Variants in ZFR observed in about 807,000 individuals in gnomAD.
ZFR encodes zinc finger RNA binding protein.
ZFR carries 19 observed loss-of-function variants against 130.7 expected under a neutral mutation model. The observed-to-expected ratio is 0.15, with a 90% CI of 0.10 to 0.21. ZFR has a LOEUF of 0.21. Ranked by LOEUF, ZFR falls within the 10% of genes least tolerant of loss-of-function variation. ZFR has a pLI of 1.00. For missense variants in ZFR, 872 were observed against 1,321.5 expected, an observed-to-expected ratio of 0.66 and a Z score of 5.27; for synonymous variants, 466 against 456.9, an observed-to-expected ratio of 1.02 and a Z score of -0.25.
intron 17 of ZFR, among the ~76,000 whole-genome samples, chr5:32,374,535 A>ATAAC (rs1308692696): frequency 6.6e-6 from 1 of 151,942 alleles, no homozygotes. Flanking sequence ...AAATAAATAA[A>ATAAC]TAAAATTTGA....
intron 6 of ZFR, 91 bp downstream of exon 6, chr5:32,406,683 T>C (rs1581701087): frequency 2.8e-5 from 41 of 1,447,290 alleles, no homozygotes; most frequent in Non-Finnish European, 3.6e-5. Context: ...CAGGAAAAAA[T>C]GTAAACCTCT....
In ZFR at chr5:32,355,761, T is replaced by A; in HGVS notation, c.3224A>T (p.Ter1075LeuextTer9). 2 of 1,578,410 alleles carry A rather than the reference T, an allele frequency of 1.3e-6. No homozygotes were observed. Among genetic ancestry groups the A allele is most frequent in the Non-Finnish European group, 1.7e-6 (2 of 1,167,094 alleles). ...KKDKKDYDNF[*>L] is the part of the protein sequence containing the mutation. ...ACACTGAAGATTTACAGACACTTTT[T>A]AAAAGTTATCATAATCTTTTTTGTC... Residue 1075 changes from the stop codon to leucine, a stop_lost, in exon 20 of 20, where the codon TAA becomes TTA. Coordinates refer to ENST00000265069, the MANE Select transcript of ZFR (RefSeq NM_016107.5).
chr5:32,429,817 C>T (rs1754162496), intron 2 of ZFR, among the ~76,000 whole-genome samples: 1 of 152,000 alleles, frequency 6.6e-6, no homozygotes, highest in Non-Finnish European at 1.5e-5. Flanking sequence ...GCTTGTAATC[C>T]TGGCATTTTG....
intron 3 of ZFR, 54 bp downstream of exon 3, chr5:32,419,767 C>A: frequency 6.5e-7 from 1 of 1,531,816 alleles, no homozygotes; most frequent in Non-Finnish European, 8.8e-7. Context: ...ACATTATACA[C>A]TGAAGACAAA....
chr5:32,382,654 G>C (rs898929519), intron 15 of ZFR, among the ~76,000 whole-genome samples: 2 of 151,962 alleles, frequency 1.3e-5, no homozygotes, highest in Admixed American at 1.3e-4. Flanking sequence ...TTGTCGCCCA[G>C]GCCAGAGTGC....
chr5:32,417,678 G>T lies in ZFR; in HGVS notation c.535C>A (p.Pro179Thr). 2 of 1,613,754 alleles carry T rather than the reference G, an allele frequency of 1.2e-6. No individual in the cohort carries two copies. The highest frequency in any genetic ancestry group is 1.7e-6 in the Non-Finnish European group (2 of 1,179,870). The stretch of plus-strand genomic sequence containing the variant: ...TGATAGTAAGTTTCAGCAACAGAAG[G>T]CTGAGGTTGGGCAGCGGCAGCTACA... ...AAVAAAAQPQPSVAETYYQTA... is the reference protein window; with the variant it reads ...AAVAAAAQPQTSVAETYYQTA... Residue 179 changes from proline to threonine, a missense_variant, in exon 4 of 20, where the codon CCT (proline) becomes ACT (threonine). This residue lies in a region of ZFR where 240 missense variants were observed against 441.2 expected (regional missense o/e 0.54). Coordinates refer to ENST00000265069, the MANE Select transcript of ZFR (RefSeq NM_016107.5).
chr5:32,428,702 T>C (rs1024091980), intron 2 of ZFR, among the ~76,000 whole-genome samples: 1 of 152,326 alleles, frequency 6.6e-6, no homozygotes, highest in Middle Eastern at 3.4e-3. Flanking sequence ...TTGAGTAGTA[T>C]AAAAGCAGAG....
At chr5:32,436,062 A>G (rs1581718813) in intron 2 of ZFR, among the ~76,000 whole-genome samples, 1 of 149,934 alleles carries the variant, frequency 6.7e-6, no homozygotes, top group South Asian at 2.1e-4. Context: ...ATGACCCTAA[A>G]TTCTCCTGGC....
At chr5:32,377,405 C>G (rs113515032) in intron 17 of ZFR, among the ~76,000 whole-genome samples, 16 of 151,176 alleles carry the variant, frequency 1.1e-4, no homozygotes, top group African/African-American at 3.6e-4. Flanking sequence ...CAGTCTTGAT[C>G]TTCTGACCTT....
intron 17 of ZFR, among the ~76,000 whole-genome samples, chr5:32,366,784 T>TTATTAAGAATTATTATAAC: frequency 6.6e-6 from 1 of 152,138 alleles, no homozygotes; most frequent in East Asian, 1.9e-4. Flanking sequence ...AGAGAATAAC[T>TTATTAAGAATTATTATAAC]TATTAAGAAT....
rs1471671822 is a variant in ZFR at position 32,415,147 on chromosome 5, A to G, written c.606T>C (p.Thr202=). The part of the protein sequence containing the change: ...AGYSQGATQY[T]QAQQTRQVTA... ...TCACTTGTCGAGTTTGCTGGGCTTG[A>G]GTATACTGAGTTGCACCTTGGCTGT... Residue 202 remains threonine (T), a synonymous_variant, in exon 5 of 20, where the codon ACT becomes ACC. Coordinates refer to ENST00000265069, the MANE Select transcript of ZFR (RefSeq NM_016107.5). The G allele has an allele frequency of 1.2e-6, 2 of 1,614,070 alleles. No homozygotes were observed. Among genetic ancestry groups the G allele is most frequent in the East Asian group, 2.2e-5 (1 of 44,876 alleles).
chr5:32,375,388 G>GT (rs1326246391), intron 17 of ZFR, among the ~76,000 whole-genome samples: 1 of 152,098 alleles, frequency 6.6e-6, no homozygotes, highest in Non-Finnish European at 1.5e-5. Flanking sequence ...AATACAATCA[G>GT]TAACGTATCA....
chr5:32,378,977 C>T (rs1752884094), intron 17 of ZFR, 138 bp downstream of exon 17: 1 of 588,500 alleles, frequency 1.7e-6, no homozygotes, highest in Admixed American at 3.6e-5. Flanking sequence ...TAAGACTCCC[C>T]CAGGATTTTT....
At position 32,444,212 on chromosome 5, in the gene ZFR, A is replaced by C. The variant is rs761579594; in HGVS notation, c.137+17T>G. 1 of 1,595,524 alleles carries C rather than the reference A, an allele frequency of 6.3e-7. No individual in the cohort carries two copies. Among genetic ancestry groups the C allele is most frequent in the Non-Finnish European group, 8.5e-7 (1 of 1,172,536 alleles). On this transcript the variant is annotated intron_variant, in intron 2 of 19. Coordinates refer to ENST00000265069, the MANE Select transcript of ZFR (RefSeq NM_016107.5). Reference sequence around the variant, plus strand: ...GGAGAGCAAGGGGCGAACAGAGAGAAGGCAGGATGCCGTTACCTATATTGG... The same window carrying C: ...GGAGAGCAAGGGGCGAACAGAGAGACGGCAGGATGCCGTTACCTATATTGG...
intron 7 of ZFR, 114 bp from the exon 8 acceptor site, chr5:32,403,511 C>G: frequency 7.4e-7 from 1 of 1,354,356 alleles, no homozygotes; most frequent in South Asian, 1.4e-5. Context: ...TGTATTTTTT[C>G]TGCTATATGT....
At chr5:32,369,115 TA>T (rs1445926127) in intron 17 of ZFR, among the ~76,000 whole-genome samples, 3 of 152,250 alleles carry the variant, frequency 2.0e-5, no homozygotes, top group Non-Finnish European at 4.4e-5. Context: ...TTACAGCTTT[TA>T]GTGATTTAGG....
Position 32,414,995 on chromosome 5 carries a change from TAAGTAG to T in ZFR, c.752_757del (p.Ala251_Tyr253delinsAsp). The T allele has an allele frequency of 6.2e-7, 1 of 1,613,930 alleles. No homozygotes were observed. On this transcript the variant is annotated inframe_deletion, in exon 5 of 20. Transcript: ENST00000265069. Reference sequence around the variant, plus strand: ...AGAATATGTAACTGCTGTGGTACTGTAAGTAGCACTCTGAGTATAGGATGGCACCAC... The same window carrying T: ...AGAATATGTAACTGCTGTGGTACTGTCACTCTGAGTATAGGATGGCACCAC...
At chr5:32,384,940 T>C (rs1432252751) in intron 15 of ZFR, among the ~76,000 whole-genome samples, 1 of 152,122 alleles carries the variant, frequency 6.6e-6, no homozygotes, top group Admixed American at 6.6e-5. Context: ...CCTCCTGCTT[T>C]AGGATGTTCT....
rs1182348238 is a variant in ZFR at position 32,406,907 on chromosome 5, GT to G, written c.898del (p.Thr300GlnfsTer20). Reference protein sequence around the residue: ...AAAAAAAAAATAAWTGTTFTK... With the variant: ...AAAAAAAAAAXAAWTGTTFTK... The stretch of plus-strand genomic sequence containing the variant: ...AAAGGTGGTCCCTGTCCAGGCAGCT[GT>G]TGCAGCAGCAGCAGCAGCTGCTGCT... On this transcript the variant is annotated frameshift_variant, in exon 6 of 20. Coordinates refer to ENST00000265069, the MANE Select transcript of ZFR (RefSeq NM_016107.5). LOFTEE classifies it high-confidence loss of function. The G allele has an allele frequency of 6.2e-7, 1 of 1,611,702 alleles. No homozygotes were observed. Among genetic ancestry groups the G allele is most frequent in the Non-Finnish European group, 8.5e-7 (1 of 1,179,418 alleles).
Sources: allele counts gnomAD v4.1 joint callset (sites outside exome capture counted in the v4.1 genomes callset), GRCh38; gene constraint gnomAD v4.1.1; regional missense constraint gnomAD v4.1.1; transcripts MANE v1.5; gene names NCBI Gene and HGNC (gene_info 2026-07-23, HGNC 2026-07-21).